VPS11: variants seen among roughly 807,000 people sequenced by gnomAD.
VPS11 encodes the protein VPS11 core subunit of CORVET and HOPS complexes.
Under a neutral mutation model 106.8 loss-of-function variants are expected in VPS11, and 51 were observed. The ratio of observed to expected loss-of-function variants is 0.48; its 90% confidence interval spans 0.38 to 0.60. The LOEUF is 0.60. VPS11 is among the 20% of genes least tolerant of loss of function. VPS11 has a pLI of 0.00. For missense variants in VPS11, 950 were observed against 1,190.0 expected (o/e 0.80, Z 2.97); for synonymous variants, 453 against 458.7 (o/e 0.99, Z 0.16).
rs1353096792 is a variant in VPS11, at chr11:119,072,770, C to T, written c.885-428C>T. ...TCAGCAGTGGAGAAATTAGAAAGTG[C>T]TGGGAAACGTAGGATGCAAGTTTTC... On this transcript the variant is annotated intron_variant, in intron 5 of 15. Transcript: ENST00000621676. The T allele has an allele frequency of 4.8e-5, 8 of 167,126 alleles. No individual in the cohort carries two copies. In the South Asian group the frequency reaches 8.5e-4, roughly 18 times the overall value. The allele number at this position is 167,126 out of a possible 1,614,324, so 10.4% of individuals were successfully genotyped here. A position where few individuals can be genotyped will look rare whatever the true frequency, so the allele number is the denominator to read the frequency against.
At chr11:119,069,084 T>C (rs781982731) in intron 1 of VPS11, 112 bp from the exon 2 acceptor site, 62 of 1,282,482 alleles carry the variant, frequency 4.8e-5, no homozygotes, top group Middle Eastern at 3.2e-4. Flanking sequence ...ATAAGGAGTA[T>C]GTGGGAAAAT....
chr11:119,069,464 A>T lies in VPS11; in HGVS notation c.359A>T (p.Lys120Met). The change falls in exon 3 of 16, where the codon AAG becomes ATG. Residue 120 changes from lysine to methionine, a missense_variant. This residue lies in a region of VPS11 where 435 missense variants were observed against 630.2 expected (regional missense o/e 0.69). Transcript: ENST00000621676. ...CAGGTTAAGATCTGGAACCTGGAGAAGAGAGATGGTGGCAATCCACTCTGC... is the reference window on the plus strand; with the variant it reads ...CAGGTTAAGATCTGGAACCTGGAGATGAGAGATGGTGGCAATCCACTCTGC... ...NPLVKIWNLE[K>M]RDGGNPLCTR... The T allele has an allele frequency of 6.2e-7, 1 of 1,614,048 alleles. No homozygotes were observed. Among genetic ancestry groups the T allele is most frequent in the Non-Finnish European group, 8.5e-7 (1 of 1,179,898 alleles).
intron 7 of VPS11, 71 bp downstream of exon 7, chr11:119,074,022 C>T: frequency 2.6e-6 from 4 of 1,513,264 alleles, no homozygotes; most frequent in Non-Finnish European, 3.6e-6. Context: ...AAAGCCCATC[C>T]ATGCTCCAGG....
In VPS11 at chr11:119,081,645, G is replaced by C. The variant is rs1419495752; in HGVS notation, c.*22G>C. ...TTAAGCAGCCTGGAGGAAGATGTGG[G>C]CAACAGTGGAGGACCAAGAGAACAG... On this transcript the variant is annotated 3_prime_UTR_variant, in exon 16 of 16. Transcript: ENST00000621676. 6.2e-7 allele frequency: 1 copy of C among 1,612,400 alleles called. No individual in the cohort carries two copies. The highest frequency in any genetic ancestry group is 2.2e-5 in the East Asian group (1 of 44,858).
intron 14 of VPS11, among the ~76,000 whole-genome samples, chr11:119,080,338 G>A (rs1345362628): frequency 2.6e-5 from 4 of 151,992 alleles, no homozygotes; most frequent in Non-Finnish European, 5.9e-5. Context: ...GATTACATGC[G>A]TGAGCCACTG....
intron 13 of VPS11, 64 bp downstream of exon 13, chr11:119,079,061 C>G (rs1266834975): frequency 6.5e-5 from 104 of 1,611,894 alleles, no homozygotes; most frequent in Non-Finnish European, 3.6e-5. Context: ...GGCAGGGGCC[C>G]TTCACCTTTA....
rs561501534 is a variant in VPS11 at position 119,077,996 on chromosome 11, T to C, written c.1691T>C (p.Leu564Pro). 6.2e-7 allele frequency: 1 copy of C among 1,613,794 alleles called. No individual in the cohort carries two copies. The highest frequency in any genetic ancestry group is 1.3e-5 in the African/African-American group (1 of 75,040). ...ATACCAGAGCAGACAACTCAGTTGC[T>C]GAAGGGACTTTGTACTGATTATCGG... ...HHIPEQTTQL[L>P]KGLCTDYRPS... The change falls in exon 10 of 16, where the codon CTG (leucine) becomes CCG (proline). Residue 564 changes from leucine to proline, a missense_variant. Leu to Pro is a moderately conservative substitution (Grantham distance 98). Coordinates refer to ENST00000621676, the MANE Select transcript of VPS11 (RefSeq NM_021729.6).
chr11:119,068,547 AG>A (rs1015880011), intron 1 of VPS11, among the ~76,000 whole-genome samples: 22 of 147,158 alleles, frequency 1.5e-4, no homozygotes, highest in African/African-American at 5.3e-4. Flanking sequence ...CTTGAGTTCA[AG>A]CGATTCTCCT....
chr11:119,081,621 T>C lies in VPS11; in HGVS notation c.2824T>C (p.Ter942GlnextTer30). The C allele has an allele frequency of 1.2e-6, 2 of 1,613,706 alleles. No individual in the cohort carries two copies. Among genetic ancestry groups the C allele is most frequent in the Non-Finnish European group, 1.7e-6 (2 of 1,179,792 alleles). ...ACTCATGCACTCCAGGAGGGGCACT[T>C]AAGCAGCCTGGAGGAAGATGTGGGC... ...DLLMHSRRGT[*>Q] The change falls in exon 16 of 16, where the codon TAA becomes CAA. Residue 942 changes from the stop codon to glutamine (Q), a stop_lost. Transcript: ENST00000621676.
Position 119,081,844 on chromosome 11 carries a change from G to A in VPS11, c.*221G>A. ...TAGCAGTGTAGATCATTCCAGATCA[G>A]TGGGGGAGGGCACCTCAGCAACCTC... On this transcript the variant is annotated 3_prime_UTR_variant, in exon 16 of 16. Transcript: ENST00000621676. 3.3e-6 allele frequency: 2 copies of A among 601,812 alleles called. No homozygotes were observed. Among genetic ancestry groups the A allele is most frequent in the Non-Finnish European group, 5.6e-6 (2 of 359,486 alleles). 37.3% of individuals were successfully genotyped at this position (601,812 alleles called of 1,614,324 possible).
intron 14 of VPS11, 100 bp from the exon 15 acceptor site, chr11:119,080,992 G>T: frequency 9.4e-7 from 1 of 1,065,548 alleles, no homozygotes; most frequent in Non-Finnish European, 1.4e-6. Context: ...GGCCTTACCA[G>T]GGACCTTGCC....
At chr11:119,070,028 A>AAATAAATAAATAAATAAATAAAAT (rs375064434) in intron 3 of VPS11, among the ~76,000 whole-genome samples, 1 of 28,098 alleles carries the variant, frequency 3.6e-5, no homozygotes, top group Admixed American at 2.2e-4. Flanking sequence ...ATAAATAAAT[A>AAATAAATAAATAAATAAATAAAAT]AAATAAATAA....
At chr11:119,079,336 G>A (rs1346790804) in intron 14 of VPS11, 36 bp downstream of exon 14, 1 of 1,545,058 alleles carries the variant, frequency 6.5e-7, no homozygotes, top group Non-Finnish European at 8.7e-7. Flanking sequence ...GAGTCCAGGG[G>A]ATAACTTGCC....
At chr11:119,075,383 C>T (rs949182380) in intron 7 of VPS11, among the ~76,000 whole-genome samples, 1 of 151,718 alleles carries the variant, frequency 6.6e-6, no homozygotes, top group African/African-American at 2.4e-5. Flanking sequence ...AGCAAGACCC[C>T]ATTTCTAACA....
chr11:119,068,192 A>G (rs1374778729), intron 1 of VPS11, 182 bp downstream of exon 1: 3 of 667,916 alleles, frequency 4.5e-6, no homozygotes, highest in African/African-American at 3.6e-5. Flanking sequence ...TTATCAACTG[A>G]GCAATCCTGG....
At position 119,071,680 on chromosome 11, in the gene VPS11, C is replaced by A; in HGVS notation, c.721C>A (p.Pro241Thr). 6.2e-7 allele frequency: 1 copy of A among 1,614,008 alleles called. No homozygotes were observed. The highest frequency in any genetic ancestry group is 8.5e-7 in the Non-Finnish European group (1 of 1,179,890). The change falls in exon 5 of 16, where the codon CCT (proline) becomes ACT (threonine). Residue 241 changes from proline (P) to threonine (T), a missense_variant. By Grantham distance (38) the Pro-to-Thr change is conservative. Transcript: ENST00000621676. ...CGLRCSALSD[P>T]SQDLQFIVAG... ...CCTGCGCTGCTCAGCCCTAAGTGACCCTTCTCAGGACCTGCAGTTCATTGT... is the reference window on the plus strand; with the variant it reads ...CCTGCGCTGCTCAGCCCTAAGTGACACTTCTCAGGACCTGCAGTTCATTGT...
Position 119,070,352 on chromosome 11 carries a change from A to C in VPS11, c.591A>C (p.Ala197=). The C allele has an allele frequency of 1.2e-6, 2 of 1,613,486 alleles. No homozygotes were observed. Among genetic ancestry groups the C allele is most frequent in the Non-Finnish European group, 1.7e-6 (2 of 1,179,606 alleles). ...YPVTGLAFRQ[A]GKTTHLFVVT... ...TAACTGGATTGGCCTTTCGCCAAGCAGGAAAGACCACTCACTTGTTTGTTG... is the reference window on the plus strand; with the variant it reads ...TAACTGGATTGGCCTTTCGCCAAGCCGGAAAGACCACTCACTTGTTTGTTG... Residue 197 remains alanine (A), a synonymous_variant, in exon 4 of 16, where the codon GCA becomes GCC. Coordinates refer to ENST00000621676, the MANE Select transcript of VPS11 (RefSeq NM_021729.6).
chr11:119,067,917 ACAC>A lies in VPS11; in HGVS notation c.96_98del (p.Pro33del), dbSNP rs2133639707. The A allele has an allele frequency of 6.2e-7, 1 of 1,609,764 alleles. No individual in the cohort carries two copies. Among genetic ancestry groups the A allele is most frequent in the Admixed American group, 1.7e-5 (1 of 59,384 alleles). ...CAATGATGGGGCCGCTCCCGGGGCC[ACAC>A]CTGCTTCTGGATCCGCTGCTTCCAA... On this transcript the variant is annotated inframe_deletion, in exon 1 of 16. Transcript: ENST00000621676.
intron 8 of VPS11, 137 bp from the exon 9 acceptor site, chr11:119,077,364 A>G: frequency 2.3e-6 from 3 of 1,290,456 alleles, no homozygotes; most frequent in Non-Finnish European, 3.1e-6. Context: ...AGAAACTCCC[A>G]CAGGCTGAGT....
Sources: allele counts gnomAD v4.1 joint callset (sites outside exome capture counted in the v4.1 genomes callset), GRCh38; gene constraint gnomAD v4.1.1; regional missense constraint gnomAD v4.1.1; transcripts MANE v1.5; gene names NCBI Gene and HGNC (gene_info 2026-07-23, HGNC 2026-07-21).